Variants in ZCCHC2 observed in about 807,000 individuals in gnomAD.
ZCCHC2 encodes zinc finger CCHC-type containing 2.
ZCCHC2 carries 39 observed loss-of-function variants against 103.6 expected under a neutral mutation model. The ratio of observed to expected loss-of-function variants is 0.38; its 90% CI spans 0.29 to 0.49. ZCCHC2 has a LOEUF of 0.49. Ranked by LOEUF, ZCCHC2 falls within the 20% of genes least tolerant of loss-of-function variation. The pLI is 0.96. For missense variants in ZCCHC2, 1,483 were observed against 1,491.0 expected, an observed-to-expected ratio of 0.99 and a Z score of 0.09; for synonymous variants, 687 against 608.9, an observed-to-expected ratio of 1.13 and a Z score of -1.89.
chr18:62,579,320 T>G (rs1034234221), downstream of ZCCHC2, among the ~76,000 whole-genome samples: 2 of 152,254 alleles, frequency 1.3e-5, no homozygotes, highest in African/African-American at 4.8e-5. Flanking sequence ...TGTACTATTT[T>G]TTATTTCATT....
chr18:62,574,271 C>T lies in ZCCHC2; in HGVS notation c.2190C>T (p.Ala730=). The T allele has an allele frequency of 6.2e-7, 1 of 1,613,984 alleles. No individual in the cohort carries two copies. Among genetic ancestry groups the T allele is most frequent in the Non-Finnish European group, 8.5e-7 (1 of 1,179,888 alleles). Residue 730 remains alanine (A), a synonymous_variant, in exon 13 of 14, where the codon GCC becomes GCT. Coordinates refer to ENST00000269499, the MANE Select transcript of ZCCHC2 (RefSeq NM_017742.6). ...PTLHCVMHNG[A]QKSEVVVPAP... ...TACACTGTGTCATGCACAATGGTGC[C>T]CAGAAGTCTGAAGTTGTCGTTCCTG... is the stretch of plus-strand genomic sequence containing the variant.
downstream of ZCCHC2, among the ~76,000 whole-genome samples, chr18:62,582,448 C>T (rs966564724): frequency 3.3e-5 from 5 of 151,986 alleles, no homozygotes; most frequent in Non-Finnish European, 5.9e-5. Context: ...GAGGCCAAGG[C>T]GGGTGGATTA....
At chr18:62,554,978 A>C (rs984194659) in intron 5 of ZCCHC2, among the ~76,000 whole-genome samples, 1 of 152,226 alleles carries the variant, frequency 6.6e-6, no homozygotes, top group Non-Finnish European at 1.5e-5. Flanking sequence ...TAGGTCAAAA[A>C]CCTTGGGGGA....
At chr18:62,565,348 C>T (rs536573695) in intron 11 of ZCCHC2, among the ~76,000 whole-genome samples, 1 of 152,070 alleles carries the variant, frequency 6.6e-6, no homozygotes, top group African/African-American at 2.4e-5. Flanking sequence ...CTTCTGGCAG[C>T]AGGAGTCTCC....
intron 7 of ZCCHC2, among the ~76,000 whole-genome samples, chr18:62,559,824 G>T (rs754171528): frequency 1.4e-4 from 21 of 152,146 alleles, no homozygotes; most frequent in Non-Finnish European, 2.6e-4. Context: ...TGCATTGGTG[G>T]GTTTAACCAA....
At chr18:62,541,763 G>A (rs1192974575) in intron 2 of ZCCHC2, among the ~76,000 whole-genome samples, 1 of 152,046 alleles carries the variant, frequency 6.6e-6, no homozygotes, top group African/African-American at 2.4e-5. Context: ...TTCCTAAGGT[G>A]GTACTTTTAT....
chr18:62,546,072 C>T (rs1915393352), intron 4 of ZCCHC2, among the ~76,000 whole-genome samples: 1 of 152,164 alleles, frequency 6.6e-6, no homozygotes, highest in South Asian at 2.1e-4. Context: ...GAGGACTTCT[C>T]CTCCCACTCA....
intron 14 of ZCCHC2, among the ~76,000 whole-genome samples, chr18:62,583,865 G>T (rs550805704): frequency 6.6e-6 from 1 of 152,272 alleles, no homozygotes; most frequent in Non-Finnish European, 1.5e-5. Flanking sequence ...AGGGCTGAGA[G>T]GCAGGTGTCA....
rs1174889936 is a variant in ZCCHC2, at chr18:62,523,595, T to C, written c.171T>C (p.Pro57=). The change falls in exon 1 of 14, where the codon CCT becomes CCC. Residue 57 remains proline, a synonymous_variant. Coordinates refer to ENST00000269499, the MANE Select transcript of ZCCHC2 (RefSeq NM_017742.6). ...PPPPAGPSRG[P]LPPPPPPRGL... ...CGCCCGCGGGCCCGTCGCGGGGCCC[T>C]CTGCCGCCGCCGCCGCCGCCCCGGG... 28 of 1,025,214 alleles carry C rather than the reference T, an allele frequency of 2.7e-5. No homozygotes were observed. Among genetic ancestry groups the C allele is most frequent in the Non-Finnish European group, 3.3e-5 (28 of 857,038 alleles). 63.5% of individuals were successfully genotyped at this position (1,025,214 alleles called of 1,614,324 possible). A position where few individuals can be genotyped will look rare whatever the true frequency, so the allele number is the denominator to read the frequency against.
intron 1 of ZCCHC2, among the ~76,000 whole-genome samples, chr18:62,537,843 G>A (rs1444411961): frequency 1.3e-5 from 2 of 152,110 alleles, no homozygotes; most frequent in Non-Finnish European, 2.9e-5. Flanking sequence ...ATATTTTGAG[G>A]AACTGCCTGA....
At chr18:62,575,830 T>TA (rs1164015914) in intron 13 of ZCCHC2, among the ~76,000 whole-genome samples, 1 of 152,156 alleles carries the variant, frequency 6.6e-6, no homozygotes, top group Non-Finnish European at 1.5e-5. Context: ...TCTGTAATGT[T>TA]AAATCTCTTG....
chr18:62,585,514 C>A (rs1917147074), exon 15 of ZCCHC2: 1 of 152,282 alleles, frequency 6.6e-6, no homozygotes. Flanking sequence ...CTGGCAGTTA[C>A]TGAGTGCTTA....
chr18:62,524,402 C>T, intron 1 of ZCCHC2, 39 bp downstream of exon 1: 1 of 1,431,072 alleles, frequency 7.0e-7, no homozygotes, highest in Non-Finnish European at 9.1e-7. Context: ...GCGGTGCGAT[C>T]GCTGCCCCGG....
rs1441949589 is a variant in ZCCHC2 at position 62,539,661 on chromosome 18, T to G, written c.940-20T>G. On this transcript the variant is annotated intron_variant, in intron 1 of 13. Coordinates refer to ENST00000269499, the MANE Select transcript of ZCCHC2 (RefSeq NM_017742.6). Reference sequence around the variant, plus strand: ...TTAGTCCATGGTTTAAGTTAACGTATCTCCCTCTTTCTCATCTAGAACAAC... The same window carrying G: ...TTAGTCCATGGTTTAAGTTAACGTAGCTCCCTCTTTCTCATCTAGAACAAC... The G allele has an allele frequency of 3.9e-6, 6 of 1,550,028 alleles. No homozygotes were observed. The highest frequency in any genetic ancestry group is 5.3e-6 in the Non-Finnish European group (6 of 1,140,804).
At chr18:62,583,674 C>T (rs542189931) in intron 14 of ZCCHC2, among the ~76,000 whole-genome samples, 3 of 152,048 alleles carry the variant, frequency 2.0e-5, no homozygotes, top group African/African-American at 4.8e-5. Context: ...CTGACCCCCC[C>T]CTCCACCCAA....
intron 11 of ZCCHC2, among the ~76,000 whole-genome samples, chr18:62,567,454 A>T (rs939782509): frequency 3.3e-5 from 5 of 152,206 alleles, no homozygotes; most frequent in African/African-American, 7.2e-5. Flanking sequence ...GTTTTGAGTG[A>T]TAATCCATTT....
intron 4 of ZCCHC2, among the ~76,000 whole-genome samples, chr18:62,545,562 GT>G (rs1231785825): frequency 6.6e-6 from 1 of 152,124 alleles, no homozygotes; most frequent in Non-Finnish European, 1.5e-5. Flanking sequence ...ACCATCACCT[GT>G]TTCTTTTATA....
intron 1 of ZCCHC2, chr18:62,526,809 G>C (rs996439474): frequency 1.3e-5 from 2 of 151,358 alleles, no homozygotes; most frequent in African/African-American, 2.4e-5. Flanking sequence ...CGCCCTGCAA[G>C]ATGGCGGCCG....
intron 3 of ZCCHC2, 105 bp downstream of exon 3, chr18:62,542,679 G>T: frequency 1.0e-6 from 1 of 964,112 alleles, no homozygotes; most frequent in Non-Finnish European, 1.5e-6. Context: ...ATATATGTTT[G>T]TTTTTAATTA....
Sources: allele counts gnomAD v4.1 joint callset (sites outside exome capture counted in the v4.1 genomes callset), GRCh38; gene constraint gnomAD v4.1.1; transcripts MANE v1.5; gene names NCBI Gene and HGNC (gene_info 2026-07-23, HGNC 2026-07-21).